TAF1B: variants seen among roughly 807,000 people sequenced by gnomAD.
TAF1B encodes TATA-box binding protein associated factor, RNA polymerase I subunit B, also known as TATA box-binding protein-associated factor RNA polymerase I subunit B.
Under a neutral mutation model 83.9 loss-of-function variants are expected in TAF1B, and 61 were observed. The ratio of observed to expected loss-of-function variants is 0.73; its 90% CI spans 0.59 to 0.90. TAF1B has a LOEUF of 0.90. Ranked by LOEUF, TAF1B falls within the 40% of genes least tolerant of loss-of-function variation. The pLI, the probability that TAF1B is intolerant of heterozygous loss-of-function variation, is 0.00. For synonymous variants in TAF1B, 221 were observed against 224.6 expected (o/e 0.98, Z 0.14); for missense variants, 625 against 677.0 (o/e 0.92, Z 0.85).
chr2:9,889,231 G>A (rs925119658), intron 8 of TAF1B, among the ~76,000 whole-genome samples: 1 of 151,862 alleles, frequency 6.6e-6, no homozygotes, highest in African/African-American at 2.4e-5. Flanking sequence ...CTAATTACAT[G>A]CTAGACCACT....
intron 7 of TAF1B, among the ~76,000 whole-genome samples, chr2:9,878,219 CTTTT>C (rs35740852): frequency 7.0e-6 from 1 of 143,178 alleles, no homozygotes; most frequent in African/African-American, 2.6e-5. Flanking sequence ...GATTCTTCTT[CTTTT>C]TTTTTTTTTT....
chr2:9,876,125 G>A, intron 7 of TAF1B, 107 bp downstream of exon 7: 4 of 1,182,118 alleles, frequency 3.4e-6, no homozygotes, highest in Non-Finnish European at 4.6e-6. Flanking sequence ...CTTGAGGAAG[G>A]AACTGGAAAG....
rs1665785987 is a variant in TAF1B, at chr2:9,919,030, A to G, written c.1272-11A>G. On this transcript the variant is annotated splice_polypyrimidine_tract_variant and intron_variant, in intron 12 of 14. Transcript: ENST00000263663. ...TCCGTCCTGCTCCAGCTGTTTCTTT[A>G]CCTTGTACAGGTACCTGTGGAAAAG... The G allele has an allele frequency of 6.2e-7, 1 of 1,612,484 alleles. No individual in the cohort carries two copies. The highest frequency in any genetic ancestry group is 1.1e-5 in the South Asian group (1 of 91,038).
In TAF1B at chr2:9,856,470, G is replaced by A. The variant is rs535432262; in HGVS notation, c.399+2049G>A. The stretch of plus-strand genomic sequence containing the variant: ...GAAACATTATACTGTCTTGATACAT[G>A]AGAGAGATACTTCCCAAGAAAATCG... On this transcript the variant is annotated intron_variant, in intron 5 of 14. Transcript: ENST00000263663. Among the ~76,000 whole-genome samples the A allele has an allele frequency of 2.6e-5, 4 of 152,236 alleles. No individual in the cohort carries two copies. In the East Asian group the frequency reaches 7.7e-4, roughly 29 times the overall value.
intron 7 of TAF1B, among the ~76,000 whole-genome samples, chr2:9,878,055 A>G (rs942473295): frequency 3.3e-5 from 5 of 152,154 alleles, no homozygotes; most frequent in Admixed American, 2.0e-4. Context: ...GCTCTAAGTC[A>G]TAAGTTCTCA....
intron 7 of TAF1B, among the ~76,000 whole-genome samples, chr2:9,880,895 TACAA>T (rs2125153684): frequency 6.6e-6 from 1 of 152,268 alleles, no homozygotes; most frequent in East Asian, 1.9e-4. Flanking sequence ...TTCACAATAA[TACAA>T]ATACTGATTA....
chr2:9,853,787 A>G (rs1028671617), intron 4 of TAF1B, among the ~76,000 whole-genome samples: 6 of 152,160 alleles, frequency 3.9e-5, no homozygotes, highest in South Asian at 2.1e-4. Context: ...TAGTTTCACT[A>G]TCACTTGGGA....
At position 9,894,108 on chromosome 2, in the gene TAF1B, G is replaced by A. The variant is rs79278717; in HGVS notation, c.808-10751G>A. 5.5e-3 allele frequency among the ~76,000 whole-genome samples: 820 copies of A among 150,456 alleles called. 7 individuals are homozygous for A. The highest frequency in any genetic ancestry group is 0.019 in the African/African-American group (754 of 39,852). ...AAAGTGTAAATTGAGCATAAAGACCGTATTTAATGCTTCTATTTTATTATC... is the reference window on the plus strand; with the variant it reads ...AAAGTGTAAATTGAGCATAAAGACCATATTTAATGCTTCTATTTTATTATC... On this transcript the variant is annotated intron_variant, in intron 8 of 14. Coordinates refer to ENST00000263663, the MANE Select transcript of TAF1B (RefSeq NM_005680.3).
chr2:9,874,628 A>G (rs1034742597), intron 6 of TAF1B, among the ~76,000 whole-genome samples: 1 of 152,142 alleles, frequency 6.6e-6, no homozygotes, highest in African/African-American at 2.4e-5. Flanking sequence ...TTACTAGAAT[A>G]TAAGTTCTAA....
intron 8 of TAF1B, among the ~76,000 whole-genome samples, chr2:9,888,762 A>G (rs1664760311): frequency 8.6e-6 from 1 of 116,638 alleles, no homozygotes; most frequent in East Asian, 2.3e-4. Flanking sequence ...GTGCCTTGTC[A>G]CAGTTTTCTT....
chr2:9,864,094 G>A (rs1663877575), intron 5 of TAF1B, among the ~76,000 whole-genome samples: 1 of 152,070 alleles, frequency 6.6e-6, no homozygotes, highest in Non-Finnish European at 1.5e-5. Flanking sequence ...AAATAACTAA[G>A]ATCAGAGCAG....
intron 8 of TAF1B, among the ~76,000 whole-genome samples, chr2:9,890,992 G>A (rs556041212): frequency 6.6e-6 from 1 of 152,112 alleles, no homozygotes; most frequent in African/African-American, 2.4e-5. Flanking sequence ...GGCTGGTCTC[G>A]AACTCCCGAC....
chr2:9,868,857 ATG>A (rs909637513), intron 6 of TAF1B: 71 of 352,030 alleles, frequency 2.0e-4, no homozygotes, highest in African/African-American at 1.4e-3. Flanking sequence ...ACCTTGTTAC[ATG>A]TGTGTTTTAC....
chr2:9,846,248 G>A (rs1318427599), intron 2 of TAF1B: 1 of 397,698 alleles, frequency 2.5e-6, no homozygotes, highest in Non-Finnish European at 5.0e-6. Context: ...AGTAGAGATT[G>A]TCATATTGTC....
intron 5 of TAF1B, among the ~76,000 whole-genome samples, chr2:9,864,148 T>G (rs193255371): frequency 6.6e-6 from 1 of 152,218 alleles, no homozygotes; most frequent in East Asian, 1.9e-4. Flanking sequence ...GAAAAATCAG[T>G]GAATCCAGGA....
At chr2:9,854,565 G>A (rs1418829834) in intron 5 of TAF1B, 144 bp downstream of exon 5, 2 of 598,264 alleles carry the variant, frequency 3.3e-6, no homozygotes, top group Admixed American at 3.0e-5. Flanking sequence ...TTACAGTCTA[G>A]AGGACGGGGT....
chr2:9,892,681 G>A (rs148746570), intron 8 of TAF1B, among the ~76,000 whole-genome samples: 113 of 152,214 alleles, frequency 7.4e-4, no homozygotes, highest in Non-Finnish European at 1.3e-3. Flanking sequence ...TTCATCCATC[G>A]ATGGACACTT....
intron 8 of TAF1B, among the ~76,000 whole-genome samples, chr2:9,904,399 C>T (rs1665280412): frequency 1.3e-5 from 2 of 152,182 alleles, no homozygotes; most frequent in African/African-American, 4.8e-5. Flanking sequence ...AAGATAATGG[C>T]CTCCAGCTCC....
At chr2:9,905,429 G>A (rs1261153671) in intron 9 of TAF1B, among the ~76,000 whole-genome samples, 1 of 152,040 alleles carries the variant, frequency 6.6e-6, no homozygotes, top group Non-Finnish European at 1.5e-5. Flanking sequence ...CTAATCTGTG[G>A]TAACATTTTT....
Sources: allele counts gnomAD v4.1 joint callset (sites outside exome capture counted in the v4.1 genomes callset), GRCh38; gene constraint gnomAD v4.1.1; transcripts MANE v1.5; gene names NCBI Gene and HGNC (gene_info 2026-07-23, HGNC 2026-07-21).